Variants in BBS9 observed in about 807,000 individuals in gnomAD.
BBS9 encodes Bardet-Biedl syndrome 9.
A neutral mutation model predicts 117.7 loss-of-function variants in BBS9; 89 were observed. The observed-to-expected ratio is 0.76, with a 90% CI of 0.64 to 0.90. The LOEUF (loss-of-function observed/expected upper bound fraction) is 0.90. Ranked by LOEUF, BBS9 falls within the 40% of genes least tolerant of loss-of-function variation. The pLI is 0.00. For missense variants in BBS9, 982 were observed against 1,042.2 expected (o/e 0.94, Z 0.80); for synonymous variants, 379 against 370.9 (o/e 1.02, Z -0.25).
chr7:33,192,385 T>G (rs962418439), intron 5 of BBS9, among the ~76,000 whole-genome samples: 2 of 152,226 alleles, frequency 1.3e-5, no homozygotes, highest in Non-Finnish European at 2.9e-5. Flanking sequence ...TATTTAGTGA[T>G]GATACATTTC....
intron 21 of BBS9, among the ~76,000 whole-genome samples, chr7:33,547,587 G>A (rs1198747936): frequency 6.6e-6 from 1 of 152,154 alleles, no homozygotes; most frequent in Non-Finnish European, 1.5e-5. Flanking sequence ...TTAGAGAGAA[G>A]TAAAGTCTTA....
chr7:33,545,452 C>T lies in BBS9; in HGVS notation c.2521+11276C>T, dbSNP rs1853150116. Among the ~76,000 whole-genome samples the T allele has an allele frequency of 2.6e-5, 4 of 152,142 alleles. No homozygotes were observed. In the South Asian group the frequency reaches 8.3e-4, roughly 31 times the overall value. On this transcript the variant is annotated intron_variant, in intron 21 of 22. Coordinates refer to ENST00000242067, the MANE Select transcript of BBS9 (RefSeq NM_198428.3). ...ACTCAGCTTTAAGTAAAGTCGGAAA[C>T]TTCTCCCACAAACCTTCAGTTTCTG...
At chr7:33,283,577 A>C (rs1413630523) in intron 9 of BBS9, among the ~76,000 whole-genome samples, 4 of 152,120 alleles carry the variant, frequency 2.6e-5, no homozygotes, top group Non-Finnish European at 5.9e-5. Flanking sequence ...AAACAATGAA[A>C]AAAAGGGTTT....
At chr7:33,606,129 CAA>C (rs568102198), downstream of BBS9, 1 of 149,970 alleles carries the variant, frequency 6.7e-6, no homozygotes, top group African/African-American at 2.4e-5. Flanking sequence ...TGTGAAATGT[CAA>C]AAAAAAACTG....
At chr7:33,597,883 A>C (rs73690944) in intron 21 of BBS9, among the ~76,000 whole-genome samples, 2,712 of 151,872 alleles carry the variant, frequency 0.018, 72 homozygotes, top group African/African-American at 0.061. Flanking sequence ...AAAAAAAAAA[A>C]AAAACAAAAC....
At chr7:33,630,471 T>C (rs954152685) in intron 21 of BBS9, among the ~76,000 whole-genome samples, 5 of 152,160 alleles carry the variant, frequency 3.3e-5, no homozygotes, top group Non-Finnish European at 7.4e-5. Flanking sequence ...GCCAACTCAA[T>C]TGGATTACTA....
chr7:33,478,003 A>T (rs1842031756), intron 19 of BBS9, among the ~76,000 whole-genome samples: 1 of 152,086 alleles, frequency 6.6e-6, no homozygotes, highest in Admixed American at 6.6e-5. Flanking sequence ...AATATGACTT[A>T]CTGAGAGGGT....
chr7:33,272,229 A>C (rs1179510035), intron 7 of BBS9, among the ~76,000 whole-genome samples: 1 of 152,186 alleles, frequency 6.6e-6, no homozygotes, highest in East Asian at 1.9e-4. Flanking sequence ...GGAGAGGATC[A>C]GAAAAAATAA....
chr7:33,152,566 G>A (rs1380332809), intron 2 of BBS9, 135 bp from the exon 3 acceptor site: 3 of 763,874 alleles, frequency 3.9e-6, no homozygotes, highest in Non-Finnish European at 6.3e-6. Context: ...TTGACAGAGT[G>A]GCCTTTGTGT....
chr7:33,507,021 T>C (rs976189753), intron 20 of BBS9, among the ~76,000 whole-genome samples: 1 of 152,194 alleles, frequency 6.6e-6, no homozygotes, highest in Non-Finnish European at 1.5e-5. Flanking sequence ...ACAAAATCAC[T>C]GTGGTTCAGT....
chr7:33,312,698 G>A (rs897931280), intron 9 of BBS9, among the ~76,000 whole-genome samples: 1 of 152,070 alleles, frequency 6.6e-6, no homozygotes, highest in Non-Finnish European at 1.5e-5. Context: ...TGCTTGTGCT[G>A]TTCCACTTTT....
chr7:33,473,956 T>C lies in BBS9; in HGVS notation c.2116-31507T>C, dbSNP rs377077532. 1.9e-3 allele frequency among the ~76,000 whole-genome samples: 297 copies of C among 152,360 alleles called. 8 individuals carry two copies. The South Asian group carries it at 0.035, about 18-fold the overall frequency. ...TGTTGCATTGTATACTACGTAAATA[T>C]ATGCTGGGCTGTATTCTGTGGAAAA... On this transcript the variant is annotated intron_variant, in intron 19 of 22. Transcript: ENST00000242067.
intron 5 of BBS9, among the ~76,000 whole-genome samples, chr7:33,215,869 A>C (rs1788954071): frequency 6.6e-6 from 1 of 152,160 alleles, no homozygotes; most frequent in South Asian, 2.1e-4. Context: ...TAGATTAAAC[A>C]TGTAAAAATA....
At chr7:33,578,657 A>C (rs1859356206) in intron 21 of BBS9, among the ~76,000 whole-genome samples, 1 of 152,210 alleles carries the variant, frequency 6.6e-6, no homozygotes, top group Non-Finnish European at 1.5e-5. Context: ...TGCCACACAC[A>C]GCCTGAAAAC....
chr7:33,428,486 G>A (rs2128872565), intron 19 of BBS9, among the ~76,000 whole-genome samples: 1 of 152,208 alleles, frequency 6.6e-6, no homozygotes, highest in Admixed American at 6.5e-5. Flanking sequence ...AAAGTAAAGG[G>A]AGTATTTATG....
intron 21 of BBS9, among the ~76,000 whole-genome samples, chr7:33,550,836 C>T (rs967592824): frequency 6.6e-6 from 1 of 151,994 alleles, no homozygotes; most frequent in African/African-American, 2.4e-5. Flanking sequence ...AAGTAAACAC[C>T]TTTAGTTGTA....
At chr7:33,570,456 T>G (rs1046156548) in intron 21 of BBS9, among the ~76,000 whole-genome samples, 4 of 152,170 alleles carry the variant, frequency 2.6e-5, no homozygotes, top group African/African-American at 9.7e-5. Context: ...GGACAGCTAT[T>G]CCTTACAGTA....
At chr7:33,526,779 C>A (rs1035717891) in intron 20 of BBS9, among the ~76,000 whole-genome samples, 2 of 151,818 alleles carry the variant, frequency 1.3e-5, no homozygotes, top group African/African-American at 2.4e-5. Flanking sequence ...AGCTTTGTTC[C>A]GTTGCTGGTG....
At chr7:33,634,066 C>T (rs916297314) in intron 21 of BBS9, among the ~76,000 whole-genome samples, 1 of 152,260 alleles carries the variant, frequency 6.6e-6, no homozygotes, top group African/African-American at 2.4e-5. Context: ...TCTGGCCACC[C>T]CGCCTCAGGA....
Sources: gnomAD v4.1 joint callset for allele counts (sites outside exome capture counted in the v4.1 genomes callset) on GRCh38, gnomAD v4.1.1 for gene constraint, MANE v1.5 for transcripts, NCBI Gene and HGNC (gene_info 2026-07-23, HGNC 2026-07-21) for gene names.